The following ACOT1 variants were observed in gnomAD, a reference collection of about 807,000 sequenced individuals.
ACOT1 encodes the protein acyl-CoA thioesterase 1.
Under a neutral mutation model 15.7 loss-of-function variants are expected in ACOT1, and 8 were observed. The observed-to-expected ratio is 0.51, with a 90% CI of 0.30 to 0.92. The LOEUF (loss-of-function observed/expected upper bound fraction) is 0.92. ACOT1 is among the 40% of genes least tolerant of loss of function. The probability of loss-of-function intolerance (pLI) is 0.06; values close to 1 mark genes in which losing one functional copy is unlikely to be tolerated. For missense variants in ACOT1, 151 were observed against 539.4 expected, an observed-to-expected ratio of 0.28 and a Z score of 7.13; for synonymous variants, 67 against 241.2, an observed-to-expected ratio of 0.28 and a Z score of 6.69.
At chr14:73,526,848 G>T in the ACOT1 span, among the ~76,000 whole-genome samples, 1 of 152,142 alleles carries the variant, frequency 6.6e-6, no homozygotes, top group African/African-American at 2.4e-5. Flanking sequence ...GGTCTGCAAA[G>T]CTTCAGGTGT....
the ACOT1 span, among the ~76,000 whole-genome samples, chr14:73,510,408 C>T: frequency 6.6e-6 from 1 of 151,338 alleles, no homozygotes; most frequent in African/African-American, 2.4e-5. Flanking sequence ...CATCAGGCAT[C>T]CCTGTTGGCT....
the ACOT1 span, among the ~76,000 whole-genome samples, chr14:73,528,009 A>G: frequency 2.6e-5 from 4 of 151,530 alleles, no homozygotes; most frequent in African/African-American, 9.7e-5. Context: ...ATGTCCCCAG[A>G]TAAATGCCCT....
intron 1 of ACOT1, 70 bp downstream of exon 1, chr14:73,537,948 TG>T: frequency 9.3e-7 from 1 of 1,075,712 alleles, no homozygotes; most frequent in African/African-American, 1.7e-5. Context: ...TGTGTGTGTG[TG>T]TGTCCCCTTC....
chr14:73,495,077 A>G, the ACOT1 span: 2 of 580,282 alleles, frequency 3.4e-6, no homozygotes, highest in African/African-American at 3.8e-5. Context: ...AAAAACACAA[A>G]GACTGAGTGG....
the ACOT1 span, among the ~76,000 whole-genome samples, chr14:73,511,411 C>T: frequency 1.3e-5 from 2 of 151,474 alleles, no homozygotes; most frequent in Non-Finnish European, 2.9e-5. Flanking sequence ...CCCAGCTACT[C>T]GGGAGACTAG....
Position 73,537,526 on chromosome 14 carries a change from C to T in ACOT1, c.105C>T (p.Arg35=), listed in dbSNP as rs1405771176. The change falls in exon 1 of 3, where the codon CGC becomes CGT. Residue 35 remains arginine, a synonymous_variant. Transcript: ENST00000311148. ...CCCCGGAGCAGCCGGTCACGCTGCGCGCGTCCCTGCGCGACGAGAAGGGCG... is the reference window on the plus strand; with the variant it reads ...CCCCGGAGCAGCCGGTCACGCTGCGTGCGTCCCTGCGCGACGAGAAGGGCG... The part of the protein sequence containing the change: ...GLAPEQPVTL[R]ASLRDEKGAL... The T allele has an allele frequency of 2.5e-6, 3 of 1,209,994 alleles. 1 individual carries two copies. The Admixed American group carries it at 8.2e-5, about 33-fold the overall frequency. The allele number at this position is 1,209,994 out of a possible 1,614,324, so 75.0% of individuals were successfully genotyped here. A position where few individuals can be genotyped will look rare whatever the true frequency, so the allele number is the denominator to read the frequency against.
the ACOT1 span, chr14:73,523,015 C>A: frequency 6.2e-7 from 1 of 1,613,988 alleles, no homozygotes; most frequent in Non-Finnish European, 8.5e-7. Context: ...AGACCATAGG[C>A]ACACTGGAGA....
the ACOT1 span, chr14:73,491,073 G>C: frequency 6.3e-7 from 1 of 1,595,526 alleles, no homozygotes; most frequent in Middle Eastern, 1.7e-4. Context: ...CCGAAGCGCC[G>C]GCGCAAGCCC....
chr14:73,516,823 C>T, the ACOT1 span, among the ~76,000 whole-genome samples: 46 of 152,268 alleles, frequency 3.0e-4, no homozygotes, highest in Non-Finnish European at 5.6e-4. Flanking sequence ...GTCTAGGCTG[C>T]GCACCCTTTA....
the ACOT1 span, chr14:73,492,032 C>T: frequency 6.2e-7 from 1 of 1,614,000 alleles, no homozygotes; most frequent in South Asian, 1.1e-5. The surrounding 1 kb of genome is among the most constrained non-coding windows in gnomAD (Gnocchi z 4.9). Flanking sequence ...GGGCTTTGCC[C>T]CCCACTACGA....
the ACOT1 span, chr14:73,492,829 G>A: frequency 6.2e-7 from 1 of 1,613,908 alleles, no homozygotes; most frequent in Non-Finnish European, 8.5e-7. The surrounding 1 kb of genome is among the most constrained non-coding windows in gnomAD (Gnocchi z 4.9). Flanking sequence ...CTTATCCAGA[G>A]TTTGTGAGAG....
the ACOT1 span, chr14:73,523,088 C>T: frequency 3.7e-6 from 6 of 1,612,034 alleles, no homozygotes; most frequent in South Asian, 2.2e-5. Context: ...CCATCCCAGT[C>T]GTGGGGGCAG....
chr14:73,511,987 G>C, the ACOT1 span: 1 of 1,613,732 alleles, frequency 6.2e-7, no homozygotes, highest in Non-Finnish European at 8.5e-7. Context: ...TTCTCAAGCA[G>C]TTCAGCTTTG....
chr14:73,507,409 G>A, the ACOT1 span, among the ~76,000 whole-genome samples: 1 of 151,968 alleles, frequency 6.6e-6, no homozygotes, highest in African/African-American at 2.4e-5. Flanking sequence ...CAACCCAACC[G>A]GCTGCATTTT....
At chr14:73,515,362 A>G in the ACOT1 span, among the ~76,000 whole-genome samples, 1 of 152,100 alleles carries the variant, frequency 6.6e-6, no homozygotes, top group Non-Finnish European at 1.5e-5. Context: ...GGAAGACATA[A>G]CATTTCTTTC....
chr14:73,515,450 C>A, the ACOT1 span, among the ~76,000 whole-genome samples: 1 of 151,758 alleles, frequency 6.6e-6, no homozygotes, highest in East Asian at 1.9e-4. Flanking sequence ...GAGGCCAAAG[C>A]GGGTGGATCA....
the ACOT1 span, chr14:73,519,281 A>T: frequency 1.1e-6 from 1 of 948,858 alleles, no homozygotes; most frequent in Non-Finnish European, 1.6e-6. Flanking sequence ...AGCCCCTAGG[A>T]TCCATGACTG....
At chr14:73,493,481 A>T in the ACOT1 span, 3 of 232,564 alleles carry the variant, frequency 1.3e-5, no homozygotes, top group Admixed American at 5.3e-5. Flanking sequence ...ATAATGGCTG[A>T]AGTGAAAAGC....
the ACOT1 span, among the ~76,000 whole-genome samples, chr14:73,493,948 A>G: frequency 1.3e-5 from 2 of 152,138 alleles, no homozygotes; most frequent in African/African-American, 4.8e-5. Flanking sequence ...TAGAAAAATT[A>G]TTTTCTACCA....
Sources: allele counts gnomAD v4.1 joint callset (sites outside exome capture counted in the v4.1 genomes callset), GRCh38; gene constraint gnomAD v4.1.1; non-coding constraint Gnocchi (gnomAD v3.1); transcripts MANE v1.5; gene names NCBI Gene and HGNC (gene_info 2026-07-23, HGNC 2026-07-21).